Variants in PLCH2 observed in about 807,000 individuals in gnomAD.
The protein encoded by PLCH2 is phospholipase C eta 2.
In PLCH2, 98 loss-of-function variants were observed where a neutral mutation model predicts 134.7. That is an observed-to-expected ratio of 0.73 (90% CI 0.62 to 0.86). The LOEUF (loss-of-function observed/expected upper bound fraction) is 0.86. Among genes scored for constraint, PLCH2 ranks in the 40% least tolerant of loss-of-function variants. The probability of loss-of-function intolerance (pLI) is 0.00; values close to 1 mark genes in which losing one functional copy is unlikely to be tolerated. For synonymous variants in PLCH2, 974 were observed against 827.5 expected (o/e 1.18, Z -3.04); for missense variants, 1,994 against 1,986.6 (o/e 1.00, Z -0.07).
intron 4 of PLCH2, among the ~76,000 whole-genome samples, chr1:2,481,355 C>A (rs946041879): frequency 6.6e-6 from 1 of 152,250 alleles, no homozygotes; most frequent in African/African-American, 2.4e-5. Context: ...GCTGTGGGGG[C>A]TGGCAGGTGG....
rs116156043 is a variant in PLCH2, at chr1:2,428,936, T to A, written c.-177-1402T>A. Among the ~76,000 whole-genome samples the A allele has an allele frequency of 3.9e-3, 595 of 152,070 alleles. 2 individuals carry two copies. Among genetic ancestry groups the A allele is most frequent in the African/African-American group, 0.013 (559 of 41,466 alleles). Reference sequence around the variant, plus strand: ...CCTCTGGTCGAGAGCGAGCTGGGAGTCCTGGGGGCCCCGGGGTGGGTGGTG... The same window carrying A: ...CCTCTGGTCGAGAGCGAGCTGGGAGACCTGGGGGCCCCGGGGTGGGTGGTG... On this transcript the variant is annotated intron_variant, in intron 1 of 3. Coordinates refer to the PLCH2 transcript ENST00000609981.
chr1:2,422,854 T>C (rs1289949020), upstream of PLCH2, among the ~76,000 whole-genome samples: 1 of 152,198 alleles, frequency 6.6e-6, no homozygotes, highest in African/African-American at 2.4e-5. Flanking sequence ...TGTTTTTCAC[T>C]TTGAGTGGAA....
At chr1:2,434,607 G>A (rs1249908700) in intron 2 of PLCH2, among the ~76,000 whole-genome samples, 1 of 152,248 alleles carries the variant, frequency 6.6e-6, no homozygotes, top group East Asian at 1.9e-4. Context: ...CTGGGCCGTG[G>A]GACCCTCCAG....
intron 5 of PLCH2, among the ~76,000 whole-genome samples, chr1:2,486,064 A>G (rs1461529020): frequency 6.6e-6 from 1 of 152,150 alleles, no homozygotes; most frequent in Non-Finnish European, 1.5e-5. Context: ...CCTGGCCACC[A>G]GGGGCGGCAC....
Position 2,478,740 on chromosome 1 carries a change from C to T in PLCH2, c.271+118C>T, listed in dbSNP as rs557145266. On this transcript the variant is annotated intron_variant, in intron 2 of 21. Transcript: ENST00000378486. ...GCAGCGAGACCCTAGGCCTGGACAC[C>T]TCTGGGCTCAGTGGCCTTGGGGATC... is the stretch of plus-strand genomic sequence containing the variant. The T allele has an allele frequency of 2.0e-4, 207 of 1,040,344 alleles. 3 individuals carry two copies. In the South Asian group the frequency reaches 3.1e-3, roughly 16 times the overall value. 64.4% of individuals were successfully genotyped at this position (1,040,344 alleles called of 1,614,324 possible).
intron 2 of PLCH2, among the ~76,000 whole-genome samples, chr1:2,445,989 A>G (rs1639925883): frequency 1.3e-5 from 2 of 152,160 alleles, no homozygotes; most frequent in South Asian, 4.1e-4. Context: ...GCCCCATGCC[A>G]GAGCCCCAAG....
At chr1:2,487,783 C>G (rs553958718) in intron 8 of PLCH2, 65 bp downstream of exon 8, 9 of 1,471,228 alleles carry the variant, frequency 6.1e-6, no homozygotes, top group Admixed American at 3.7e-5. Flanking sequence ...CAGGCTCTAG[C>G]TCTTCCTGCC....
At chr1:2,457,322 C>T (rs1362920691) in intron 2 of PLCH2, among the ~76,000 whole-genome samples, 1 of 151,996 alleles carries the variant, frequency 6.6e-6, no homozygotes, top group African/African-American at 2.4e-5. Context: ...GCTTCAGGGG[C>T]CTTTCCAGCC....
chr1:2,432,169 C>T (rs748760604), intron 2 of PLCH2, among the ~76,000 whole-genome samples: 5 of 152,218 alleles, frequency 3.3e-5, no homozygotes, highest in African/African-American at 4.8e-5. Flanking sequence ...GCAGATGAGG[C>T]GGTGAGGACC....
chr1:2,500,819 T>TC (rs1487447602), intron 20 of PLCH2: 1 of 25,206 alleles, frequency 4.0e-5, no homozygotes, highest in African/African-American at 1.5e-4. Context: ...CCCTCAGTCC[T>TC]CCCTCCCCTC....
intron 2 of PLCH2, among the ~76,000 whole-genome samples, chr1:2,451,151 G>A (rs944706870): frequency 2.0e-5 from 3 of 152,212 alleles, no homozygotes; most frequent in South Asian, 2.1e-4. Context: ...GGCCGAGTGC[G>A]CTCCAGGAGG....
the PLCH2 span, among the ~76,000 whole-genome samples, chr1:2,418,312 A>G: frequency 2.6e-5 from 4 of 152,208 alleles, no homozygotes; most frequent in Non-Finnish European, 4.4e-5. Flanking sequence ...AGTTAGACCG[A>G]GAGAGACAGG....
chr1:2,440,215 A>G (rs571474293), intron 2 of PLCH2, among the ~76,000 whole-genome samples: 2 of 152,032 alleles, frequency 1.3e-5, no homozygotes, highest in East Asian at 3.9e-4. Context: ...GTCTGTGGGT[A>G]TGGCCCAGGA....
intron 2 of PLCH2, among the ~76,000 whole-genome samples, chr1:2,436,634 C>G (rs138367472): frequency 6.6e-6 from 1 of 152,044 alleles, no homozygotes; most frequent in Admixed American, 6.5e-5. Flanking sequence ...AGGGCTTAGC[C>G]GTCACCTGTG....
intron 1 of PLCH2, among the ~76,000 whole-genome samples, chr1:2,430,170 C>T (rs754766770): frequency 4.6e-5 from 7 of 152,196 alleles, no homozygotes; most frequent in Non-Finnish European, 7.3e-5. Flanking sequence ...AGCTACCCAG[C>T]CCCACTGCGC....
chr1:2,443,629 C>G (rs866969986), intron 2 of PLCH2, among the ~76,000 whole-genome samples: 114 of 149,952 alleles, frequency 7.6e-4, no homozygotes, highest in African/African-American at 2.7e-3. Flanking sequence ...GCGTCGCGCT[C>G]GCCCGGTTGC....
rs1178432882 is a variant in PLCH2, at chr1:2,499,705, T to C, written c.2646T>C (p.Ser882=). ...CCATCTTCGTGCATGTGGCTGTCAG[T>C]GACATCAGCGGTAAGGTGAGTGTCA... ...EASIFVHVAV[S]DISGKVKQAL... is the part of the protein sequence containing the mutation. Residue 882 remains serine, a synonymous_variant, in exon 20 of 22, where the codon AGT becomes AGC. Coordinates refer to ENST00000378486, the MANE Select transcript of PLCH2 (RefSeq NM_014638.4). 6.3e-7 allele frequency: 1 copy of C among 1,589,924 alleles called. No individual in the cohort carries two copies.
rs568673005 is a variant in PLCH2, at chr1:2,477,447, C to T, written c.124+735C>T. Among the ~76,000 whole-genome samples the T allele has an allele frequency of 1.5e-4, 23 of 152,336 alleles. No individual in the cohort carries two copies. The East Asian group carries it at 3.9e-3, about 26-fold the overall frequency. On this transcript the variant is annotated intron_variant, in intron 1 of 21. Transcript: ENST00000378486. ...GGCCCGGCCAGTACTGCCCTTGGTC[C>T]TCTACAACGCCCCCGCCAGGGTCCC...
chr1:2,455,800 C>T (rs1190544357), intron 2 of PLCH2, among the ~76,000 whole-genome samples: 1 of 152,142 alleles, frequency 6.6e-6, no homozygotes, highest in Non-Finnish European at 1.5e-5. Context: ...TCGGGCCCTC[C>T]ACCCCCCTGC....
Sources: gnomAD v4.1 joint callset for allele counts (sites outside exome capture counted in the v4.1 genomes callset) on GRCh38, gnomAD v4.1.1 for gene constraint, MANE v1.5 for transcripts, NCBI Gene and HGNC (gene_info 2026-07-23, HGNC 2026-07-21) for gene names.